MCC: variants seen among roughly 807,000 people sequenced by gnomAD.
MCC encodes MCC regulator of Wnt signaling pathway.
In MCC, 90 loss-of-function variants were observed where a neutral mutation model predicts 116.2. The ratio of observed to expected loss-of-function variants is 0.77; its 90% CI spans 0.65 to 0.92. MCC has a LOEUF of 0.92. Among genes scored for constraint, MCC ranks in the 40% least tolerant of loss-of-function variants. The probability of loss-of-function intolerance (pLI) is 0.00; values close to 1 mark genes in which losing one functional copy is unlikely to be tolerated. For missense variants in MCC, 1,516 were observed against 1,312.2 expected, an observed-to-expected ratio of 1.16 and a Z score of -2.40; for synonymous variants, 578 against 510.5, an observed-to-expected ratio of 1.13 and a Z score of -1.78.
At chr5:113,336,353 C>T (rs1767867606) in intron 3 of MCC, among the ~76,000 whole-genome samples, 1 of 151,722 alleles carries the variant, frequency 6.6e-6, no homozygotes, top group East Asian at 1.9e-4. Context: ...ACCAGGCTTG[C>T]AGTAATTCTA....
rs184997950 is a variant in MCC at position 113,399,131 on chromosome 5, T to A, written c.171-13919A>T. Among the ~76,000 whole-genome samples, 119 of 152,296 alleles carry A rather than the reference T, an allele frequency of 7.8e-4. 1 individual carries two copies. The highest frequency in any genetic ancestry group is 3.4e-3 in the Middle Eastern group (1 of 294). On this transcript the variant is annotated intron_variant, in intron 1 of 18. Coordinates refer to ENST00000408903, the MANE Select transcript of MCC (RefSeq NM_001085377.2). Reference sequence around the variant, plus strand: ...TCTAACACTGGAAAAAATAAAATAGTCTACAATATCTTCAAATAGCTTCAG... The same window carrying A: ...TCTAACACTGGAAAAAATAAAATAGACTACAATATCTTCAAATAGCTTCAG...
chr5:113,077,213 T>G (rs1382230475), intron 11 of MCC, among the ~76,000 whole-genome samples: 1 of 152,170 alleles, frequency 6.6e-6, no homozygotes, highest in East Asian at 1.9e-4. Context: ...TAATGGAGAC[T>G]TTAACACCCT....
chr5:113,301,756 C>G (rs1766867689), intron 3 of MCC, among the ~76,000 whole-genome samples: 1 of 152,060 alleles, frequency 6.6e-6, no homozygotes, highest in Non-Finnish European at 1.5e-5. Flanking sequence ...AGGGCTTCAC[C>G]TTTTTAATAC....
chr5:113,416,293 C>T (rs1404932798), intron 1 of MCC, among the ~76,000 whole-genome samples: 1 of 152,150 alleles, frequency 6.6e-6, no homozygotes, highest in Non-Finnish European at 1.5e-5. Context: ...CTGGCACACA[C>T]CTGTAGTCTC....
chr5:113,196,754 C>T (rs1020059009), intron 3 of MCC, among the ~76,000 whole-genome samples: 8 of 152,108 alleles, frequency 5.3e-5, no homozygotes, highest in African/African-American at 7.2e-5. Context: ...GAGGCTGAGG[C>T]AGGAGAATCG....
intron 17 of MCC, among the ~76,000 whole-genome samples, chr5:113,033,360 A>C (rs1249597991): frequency 6.6e-6 from 1 of 152,230 alleles, no homozygotes; most frequent in Non-Finnish European, 1.5e-5. Flanking sequence ...TTTATATGCA[A>C]AATTGCAAGC....
intron 16 of MCC, among the ~76,000 whole-genome samples, chr5:113,045,796 T>A (rs1380482780): frequency 2.6e-5 from 2 of 76,074 alleles, no homozygotes; most frequent in Non-Finnish European, 5.8e-5. Flanking sequence ...TGAAACTCCA[T>A]CTCAAAAAAA....
intron 2 of MCC, among the ~76,000 whole-genome samples, chr5:113,380,344 G>A (rs956733952): frequency 6.6e-6 from 1 of 152,122 alleles, no homozygotes; most frequent in African/African-American, 2.4e-5. Flanking sequence ...TGTACCATTC[G>A]ATGGCTTCCA....
intron 4 of MCC, among the ~76,000 whole-genome samples, chr5:113,145,391 T>C (rs542883190): frequency 6.6e-6 from 1 of 152,326 alleles, no homozygotes; most frequent in Admixed American, 6.5e-5. Context: ...ATATTCCGTC[T>C]AGGGCTACAA....
intron 3 of MCC, chr5:113,294,922 G>C (rs1009869974): frequency 1.4e-5 from 14 of 985,354 alleles, no homozygotes; most frequent in Non-Finnish European, 1.3e-5. Context: ...TTTCCCCTTC[G>C]AATCGTCTGG....
intron 8 of MCC, among the ~76,000 whole-genome samples, chr5:113,096,758 T>C (rs995021648): frequency 6.6e-6 from 1 of 152,152 alleles, no homozygotes; most frequent in Admixed American, 6.5e-5. Context: ...TAACCTGCAC[T>C]GAATATATGG....
chr5:113,314,895 G>T (rs1767241942), intron 3 of MCC, among the ~76,000 whole-genome samples: 1 of 151,932 alleles, frequency 6.6e-6, no homozygotes, highest in African/African-American at 2.4e-5. Context: ...GCCTCCATTG[G>T]GTCATAACCT....
chr5:113,104,722 T>C (rs1274039709), intron 6 of MCC: 1 of 168,542 alleles, frequency 5.9e-6, no homozygotes, highest in African/African-American at 2.4e-5. Context: ...AAAGATCCCA[T>C]AACTTTACTA....
chr5:113,380,746 C>T (rs1240381346), intron 2 of MCC, among the ~76,000 whole-genome samples: 1 of 152,154 alleles, frequency 6.6e-6, no homozygotes, highest in Non-Finnish European at 1.5e-5. Flanking sequence ...GGAGGAGAGG[C>T]TGCTTGAGCT....
chr5:113,240,125 C>T (rs1431915706), intron 3 of MCC, among the ~76,000 whole-genome samples: 5 of 152,150 alleles, frequency 3.3e-5, no homozygotes, highest in Admixed American at 6.5e-5. Context: ...GCTGTCATGT[C>T]GGTCTCTCCC....
At chr5:113,475,840 A>T (rs1194121691) in intron 1 of MCC, among the ~76,000 whole-genome samples, 4 of 152,218 alleles carry the variant, frequency 2.6e-5, no homozygotes, top group Admixed American at 1.3e-4. Context: ...AAGTTTTCTC[A>T]TGTTAGCTAG....
chr5:113,485,970 T>C (rs998687201), intron 1 of MCC, among the ~76,000 whole-genome samples: 4 of 152,174 alleles, frequency 2.6e-5, no homozygotes, highest in Non-Finnish European at 4.4e-5. Flanking sequence ...GAGTGGTAAG[T>C]ACAGGTCATT....
At chr5:113,206,571 T>C (rs1762919507) in intron 3 of MCC, among the ~76,000 whole-genome samples, 1 of 152,134 alleles carries the variant, frequency 6.6e-6, no homozygotes, top group African/African-American at 2.4e-5. Flanking sequence ...TAGCCAGGCA[T>C]GGTGGTTCAT....
At chr5:113,406,525 C>G (rs1221429321) in intron 1 of MCC, among the ~76,000 whole-genome samples, 1 of 152,156 alleles carries the variant, frequency 6.6e-6, no homozygotes, top group African/African-American at 2.4e-5. Context: ...TCTGCCCTCT[C>G]CACTGAACCA....
Sources: allele counts gnomAD v4.1 joint callset (sites outside exome capture counted in the v4.1 genomes callset), GRCh38; gene constraint gnomAD v4.1.1; transcripts MANE v1.5; gene names NCBI Gene and HGNC (gene_info 2026-07-23, HGNC 2026-07-21).